Variants in DDX39A observed in about 807,000 individuals in gnomAD.
DDX39A encodes the protein ATP-dependent RNA helicase DDX39A.
A neutral mutation model predicts 46.3 loss-of-function variants in DDX39A; 13 were observed. The ratio of observed to expected loss-of-function variants is 0.28; its 90% CI spans 0.18 to 0.45. The LOEUF (loss-of-function observed/expected upper bound fraction) is 0.45. Among genes scored for constraint, DDX39A ranks in the 20% least tolerant of loss-of-function variants. The pLI is 1.00. For missense variants in DDX39A, 352 were observed against 581.8 expected (o/e 0.61, Z 4.06); for synonymous variants, 234 against 224.6 (o/e 1.04, Z -0.38).
Position 14,410,940 on chromosome 19 carries a change from C to T in DDX39A, c.613+49G>A, listed in dbSNP as rs1330086909. ...AAGAGCCTTCCGCCTGCTATGGGGC[C>T]CGCCTAGTCACTGACTCTCAGCTGG... On this transcript the variant is annotated intron_variant, in intron 5 of 10. Transcript: ENST00000242776. This position sits in a 1 kb window ranked among gnomAD's most constrained non-coding sequence, Gnocchi z 4.3. 1.3e-6 allele frequency: 2 copies of T among 1,490,096 alleles called. No homozygotes were observed. Among genetic ancestry groups the T allele is most frequent in the Non-Finnish European group, 1.8e-6 (2 of 1,116,544 alleles). 92.3% of individuals were successfully genotyped at this position (1,490,096 alleles called of 1,614,324 possible).
At chr19:14,414,691 G>A (rs967052530) in intron 1 of DDX39A, among the ~76,000 whole-genome samples, 39 of 150,026 alleles carry the variant, frequency 2.6e-4, no homozygotes, top group African/African-American at 9.0e-4. Flanking sequence ...GGCTGCGCGC[G>A]GTGGCTCACG....
At chr19:14,416,703 T>C (rs1976823859) in intron 1 of DDX39A, among the ~76,000 whole-genome samples, 1 of 152,156 alleles carries the variant, frequency 6.6e-6, no homozygotes, top group South Asian at 2.1e-4. Context: ...TTTTTGTTTT[T>C]TGAGACAGGG....
Position 14,411,733 on chromosome 19 carries a change from C to A in DDX39A, c.337-135G>T. 1.4e-6 allele frequency: 1 copy of A among 712,112 alleles called. No homozygotes were observed. The highest frequency in any genetic ancestry group is 1.7e-5 in the South Asian group (1 of 59,282). The allele number at this position is 712,112 out of a possible 1,614,324, so 44.1% of individuals were successfully genotyped here. On this transcript the variant is annotated intron_variant, in intron 3 of 10. Coordinates refer to ENST00000242776, the MANE Select transcript of DDX39A (RefSeq NM_005804.4). The surrounding 1 kb of genome is among the most constrained non-coding windows in gnomAD (Gnocchi z 4.1). ...CCATTTGAAGGCCCGGTCCAAATGC[C>A]TCCCACTTCTCACGGCCCTTCCCCA...
Position 14,412,539 on chromosome 19 carries a change from G to A in DDX39A, c.336+12C>T. ...AGGCAGGGTGGGGCCAGGAAGGGAG[G>A]AGCCCACCCACCTGTCCGTTGACAG... On this transcript the variant is annotated intron_variant, in intron 3 of 10. Transcript: ENST00000242776. This position sits in a 1 kb window ranked among gnomAD's most constrained non-coding sequence, Gnocchi z 4.4. 4 of 1,603,584 alleles carry A rather than the reference G, an allele frequency of 2.5e-6. No homozygotes were observed. The highest frequency in any genetic ancestry group is 1.1e-5 in the South Asian group (1 of 90,916).
At chr19:14,416,186 C>G (rs1220851285) in intron 1 of DDX39A, 3 of 152,608 alleles carry the variant, frequency 2.0e-5, no homozygotes, top group Non-Finnish European at 4.4e-5. Flanking sequence ...CCGGGCCCCT[C>G]CTAACCCGAC....
In DDX39A at chr19:14,410,512, C is replaced by T. The variant is rs1257055756; in HGVS notation, c.614-178G>A. On this transcript the variant is annotated intron_variant, in intron 5 of 10. Coordinates refer to ENST00000242776, the MANE Select transcript of DDX39A (RefSeq NM_005804.4). The surrounding 1 kb of genome is among the most constrained non-coding windows in gnomAD (Gnocchi z 4.3). ...GCCTGAGGGGCTGGGGGGTGGCCAGCGAGCGCAGGCGCGGGAGGAGCTGCA... is the reference window on the plus strand; with the variant it reads ...GCCTGAGGGGCTGGGGGGTGGCCAGTGAGCGCAGGCGCGGGAGGAGCTGCA... 2.3e-5 allele frequency: 14 copies of T among 619,620 alleles called. No homozygotes were observed. Among genetic ancestry groups the T allele is most frequent in the East Asian group, 5.6e-5 (2 of 35,760 alleles). 38.4% of individuals were successfully genotyped at this position (619,620 alleles called of 1,614,324 possible).
At chr19:14,417,421 G>T (rs1976852273) in intron 1 of DDX39A, among the ~76,000 whole-genome samples, 1 of 142,708 alleles carries the variant, frequency 7.0e-6, no homozygotes, top group South Asian at 2.2e-4. Context: ...AGGAGTTCGA[G>T]ACCAACCTGG....
Position 14,410,044 on chromosome 19 carries a change from G to C in DDX39A, c.733-171C>G. 8 of 1,070,836 alleles carry C rather than the reference G, an allele frequency of 7.5e-6. No homozygotes were observed. Among genetic ancestry groups the C allele is most frequent in the Non-Finnish European group, 1.1e-5 (8 of 704,218 alleles). 66.3% of individuals were successfully genotyped at this position (1,070,836 alleles called of 1,614,324 possible). A position where few individuals can be genotyped will look rare whatever the true frequency, so the allele number is the denominator to read the frequency against. On this transcript the variant is annotated intron_variant, in intron 6 of 10. Coordinates refer to ENST00000242776, the MANE Select transcript of DDX39A (RefSeq NM_005804.4). The surrounding 1 kb of genome is among the most constrained non-coding windows in gnomAD (Gnocchi z 4.3). ...TGGATGTAAGCTCTGGCCCGACTCA[G>C]GTGTGGACCAAGCTTGACTCCCAGT...
rs1976407961 is a variant in DDX39A, at chr19:14,408,830, CA to C, written c.*105del. On this transcript the variant is annotated 3_prime_UTR_variant, in exon 11 of 11. Coordinates refer to ENST00000242776, the MANE Select transcript of DDX39A (RefSeq NM_005804.4). ...GGTGGGAGCCAGGCTTCCATAATAA[CA>C]AGTTTATTCTCATACAATCTCTAGC... 3.4e-6 allele frequency: 5 copies of C among 1,462,266 alleles called. No homozygotes were observed. The African/African-American group carries it at 4.2e-5, about 12-fold the overall frequency. 90.6% of individuals were successfully genotyped at this position (1,462,266 alleles called of 1,614,324 possible). A position where few individuals can be genotyped will look rare whatever the true frequency, so the allele number is the denominator to read the frequency against.
intron 1 of DDX39A, among the ~76,000 whole-genome samples, chr19:14,414,248 G>C (rs540261145): frequency 1.3e-5 from 2 of 151,804 alleles, no homozygotes; most frequent in African/African-American, 4.8e-5. Context: ...CTGTCCATGA[G>C]GCAGTGAATC....
In DDX39A at chr19:14,409,845, G is replaced by C; in HGVS notation, c.761C>G (p.Thr254Ser). ...CTGCAGGCCGTGCAGCGTGAGCTTG[G>C]TCTCGTCGTCCACAAACACCTCCAT... is the stretch of plus-strand genomic sequence containing the variant. ...DPMEVFVDDETKLTLHGLQQY... is the reference protein window; with the variant it reads ...DPMEVFVDDESKLTLHGLQQY... Residue 254 changes from threonine to serine, a missense_variant, in exon 7 of 11, where the codon ACC becomes AGC. By Grantham distance (58) the Thr-to-Ser change is moderately conservative (BLOSUM62 1). Transcript: ENST00000242776. This position sits in a 1 kb window ranked among gnomAD's most constrained non-coding sequence, Gnocchi z 8.3. 6.2e-7 allele frequency: 1 copy of C among 1,614,074 alleles called. No individual in the cohort carries two copies.
At position 14,411,067 on chromosome 19, in the gene DDX39A, C is replaced by T. The variant is rs773637851; in HGVS notation, c.535G>A (p.Val179Met). The stretch of plus-strand genomic sequence containing the variant: ...TTTAGGCTGAAGCTCCTATTCCGCA[C>T]GAGCGCCAGGATGCGGCCCGGGGTC... Reference protein sequence around the residue: ...VGTPGRILALVRNRSFSLKNV... With the variant: ...VGTPGRILALMRNRSFSLKNV... Residue 179 changes from valine to methionine, a missense_variant, in exon 5 of 11, where the codon GTG (valine) becomes ATG (methionine). Val to Met is a conservative substitution (Grantham distance 21). Coordinates refer to ENST00000242776, the MANE Select transcript of DDX39A (RefSeq NM_005804.4). The surrounding 1 kb of genome is among the most constrained non-coding windows in gnomAD (Gnocchi z 4.1). The T allele has an allele frequency of 3.1e-6, 5 of 1,612,732 alleles. No individual in the cohort carries two copies. Among genetic ancestry groups the T allele is most frequent in the South Asian group, 1.1e-5 (1 of 90,944 alleles).
Position 14,412,896 on chromosome 19 carries a change from G to A in DDX39A, c.208+117C>T, listed in dbSNP as rs559538034. The A allele has an allele frequency of 3.0e-6, 4 of 1,327,436 alleles. No individual in the cohort carries two copies. The highest frequency in any genetic ancestry group is 2.4e-5 in the East Asian group (1 of 42,366). 82.2% of individuals were successfully genotyped at this position (1,327,436 alleles called of 1,614,324 possible). On this transcript the variant is annotated intron_variant, in intron 2 of 10. Transcript: ENST00000242776. The surrounding 1 kb of genome is among the most constrained non-coding windows in gnomAD (Gnocchi z 4.4). Reference sequence around the variant, plus strand: ...CCCGCTGGGCACAACTGATCCGCGGGACAGACGGGCCCCTCCCTCACCCAC... The same window carrying A: ...CCCGCTGGGCACAACTGATCCGCGGAACAGACGGGCCCCTCCCTCACCCAC...
Position 14,410,564 on chromosome 19 carries a change from G to A in DDX39A, c.614-230C>T. 3 of 562,526 alleles carry A rather than the reference G, an allele frequency of 5.3e-6. No individual in the cohort carries two copies. Among genetic ancestry groups the A allele is most frequent in the Non-Finnish European group, 9.6e-6 (3 of 311,636 alleles). The allele number at this position is 562,526 out of a possible 1,614,324, so 34.8% of individuals were successfully genotyped here. On this transcript the variant is annotated intron_variant, in intron 5 of 10. Transcript: ENST00000242776. This position sits in a 1 kb window ranked among gnomAD's most constrained non-coding sequence, Gnocchi z 4.3. ...TCCACTTACACGCTGGCGCGGAGCA[G>A]CCGTGCCCGTGCGCCTCGAGCCACG...
rs1976657986 is a variant in DDX39A, at chr19:14,413,046, T to C, written c.175A>G (p.Ile59Val). 1.1e-5 allele frequency: 18 copies of C among 1,614,054 alleles called. No individual in the cohort carries two copies. The highest frequency in any genetic ancestry group is 1.6e-4 in the Middle Eastern group (1 of 6,084). ...FLLKPELLRAIVDCGFEHPSE... is the reference protein window; with the variant it reads ...FLLKPELLRAVVDCGFEHPSE... Reference sequence around the variant, plus strand: ...GGATGCTCAAAGCCACAGTCCACGATGGCCCGCAGGAGCTCCGGCTTCAGC... The same window carrying C: ...GGATGCTCAAAGCCACAGTCCACGACGGCCCGCAGGAGCTCCGGCTTCAGC... Residue 59 changes from isoleucine (I) to valine (V), a missense_variant, in exon 2 of 11, where the codon ATC becomes GTC. Transcript: ENST00000242776.
At chr19:14,417,039 A>G (rs1360463494) in intron 1 of DDX39A, among the ~76,000 whole-genome samples, 1 of 152,168 alleles carries the variant, frequency 6.6e-6, no homozygotes, top group Non-Finnish European at 1.5e-5. Context: ...ATTGGAGCTG[A>G]GCCACTCAAT....
intron 1 of DDX39A, among the ~76,000 whole-genome samples, chr19:14,416,840 C>T (rs750800661): frequency 2.1e-4 from 32 of 152,126 alleles, no homozygotes; most frequent in Non-Finnish European, 4.0e-4. Context: ...TGCATGCCAC[C>T]ACGCCTGGCT....
At position 14,412,439 on chromosome 19, in the gene DDX39A, C is replaced by G; in HGVS notation, c.336+112G>C. On this transcript the variant is annotated intron_variant, in intron 3 of 10. Coordinates refer to ENST00000242776, the MANE Select transcript of DDX39A (RefSeq NM_005804.4). This position sits in a 1 kb window ranked among gnomAD's most constrained non-coding sequence, Gnocchi z 4.4. ...GACTTCCTGGGCTCAAGCAATCCTC[C>G]AGCCTCAGCTTCCCAAAGCACTGGG... 7.0e-7 allele frequency: 1 copy of G among 1,435,028 alleles called. No individual in the cohort carries two copies. The highest frequency in any genetic ancestry group is 9.4e-7 in the Non-Finnish European group (1 of 1,066,262). The allele number at this position is 1,435,028 out of a possible 1,614,324, so 88.9% of individuals were successfully genotyped here. A position where few individuals can be genotyped will look rare whatever the true frequency, so the allele number is the denominator to read the frequency against.
intron 1 of DDX39A, among the ~76,000 whole-genome samples, chr19:14,417,649 C>T (rs1422255985): frequency 6.6e-6 from 1 of 152,020 alleles, no homozygotes; most frequent in African/African-American, 2.4e-5. Flanking sequence ...AACACATAGC[C>T]CAAGGGGCAC....
Sources: allele counts gnomAD v4.1 joint callset (sites outside exome capture counted in the v4.1 genomes callset), GRCh38; gene constraint gnomAD v4.1.1; non-coding constraint Gnocchi (gnomAD v3.1); transcripts MANE v1.5; gene names NCBI Gene and HGNC (gene_info 2026-07-23, HGNC 2026-07-21).